Variants in DNAAF9 observed in about 807,000 individuals in gnomAD.
The protein encoded by DNAAF9 is dynein axonemal assembly factor 9.
DNAAF9 carries 90 observed loss-of-function variants against 167.0 expected under a neutral mutation model. The observed-to-expected ratio is 0.54, with a 90% CI of 0.45 to 0.64. The LOEUF (loss-of-function observed/expected upper bound fraction) is 0.64. Among genes scored for constraint, DNAAF9 ranks in the 30% least tolerant of loss-of-function variants. The pLI is 0.00. For synonymous variants in DNAAF9, 491 were observed against 508.8 expected (o/e 0.96, Z 0.47); for missense variants, 1,315 against 1,442.2 (o/e 0.91, Z 1.43).
chr20:3,349,990 C>G (rs1169609753), intron 7 of DNAAF9, among the ~76,000 whole-genome samples: 1 of 152,158 alleles, frequency 6.6e-6, no homozygotes. Flanking sequence ...CCCTCCTCCT[C>G]TCAAGGATAC....
chr20:3,380,232 G>GA (rs1568639426), intron 3 of DNAAF9, among the ~76,000 whole-genome samples: 1 of 151,976 alleles, frequency 6.6e-6, no homozygotes, highest in Admixed American at 6.6e-5. Flanking sequence ...ATAGCGTAAG[G>GA]AAAAAAATAT....
At chr20:3,256,279 G>T in intron 33 of DNAAF9, 68 bp from the exon 34 acceptor site, 1 of 1,089,622 alleles carries the variant, frequency 9.2e-7, no homozygotes, top group Non-Finnish European at 1.4e-6. Context: ...CTAAGACTGT[G>T]ACAATGCAGA....
chr20:3,327,329 C>A (rs1454538862), intron 12 of DNAAF9, among the ~76,000 whole-genome samples: 1 of 152,102 alleles, frequency 6.6e-6, no homozygotes, highest in Admixed American at 6.6e-5. Flanking sequence ...TTGTGATAAT[C>A]AAAAATTTCT....
At position 3,297,044 on chromosome 20, in the gene DNAAF9, T is replaced by A. The variant is rs2069093374; in HGVS notation, c.1930-95A>T. The A allele has an allele frequency of 5.5e-6, 4 of 730,670 alleles. No individual in the cohort carries two copies. In the African/African-American group the frequency reaches 7.0e-5, roughly 13 times the overall value. The allele number at this position is 730,670 out of a possible 1,614,324, so 45.3% of individuals were successfully genotyped here. A position where few individuals can be genotyped will look rare whatever the true frequency, so the allele number is the denominator to read the frequency against. On this transcript the variant is annotated intron_variant, in intron 22 of 36. Transcript: ENST00000252032. Reference sequence around the variant, plus strand: ...TTTGATGGTTGTTGAAAATCTAGACTGTCACTGCAGAGAAAATGACTATAA... The same window carrying A: ...TTTGATGGTTGTTGAAAATCTAGACAGTCACTGCAGAGAAAATGACTATAA...
intron 1 of DNAAF9, among the ~76,000 whole-genome samples, chr20:3,391,578 C>CTTT (rs34396355): frequency 1.6e-3 from 195 of 120,912 alleles, no homozygotes; most frequent in African/African-American, 2.7e-3. Context: ...TTTTTTCCTT[C>CTTT]TTTTTTTTTT....
chr20:3,279,230 T>TG (rs2068726375), intron 28 of DNAAF9, among the ~76,000 whole-genome samples: 1 of 152,174 alleles, frequency 6.6e-6, no homozygotes, highest in Admixed American at 6.6e-5. Flanking sequence ...CTATGGGAGA[T>TG]GGAGAAAGAG....
intron 34 of DNAAF9, among the ~76,000 whole-genome samples, chr20:3,255,744 A>G (rs1312424134): frequency 6.6e-6 from 1 of 152,172 alleles, no homozygotes; most frequent in Non-Finnish European, 1.5e-5. Flanking sequence ...CTAAACCCCC[A>G]AGGCTGTGCT....
Position 3,362,252 on chromosome 20 carries a change from G to A in DNAAF9, c.613-2659C>T. The A allele has an allele frequency of 2.9e-6, 4 of 1,358,782 alleles. No individual in the cohort carries two copies. In the South Asian group the frequency reaches 4.7e-5, roughly 16 times the overall value. The allele number at this position is 1,358,782 out of a possible 1,614,324, so 84.2% of individuals were successfully genotyped here. ...ACTGTGTCATCTCCTACTCCTTTCT[G>A]GCTTTCTTCGAGTTCTTCCAACAGT... On this transcript the variant is annotated intron_variant, in intron 6 of 36. Transcript: ENST00000252032.
intron 11 of DNAAF9, among the ~76,000 whole-genome samples, chr20:3,331,226 A>G (rs942776471): frequency 6.6e-6 from 1 of 152,102 alleles, no homozygotes; most frequent in Non-Finnish European, 1.5e-5. Flanking sequence ...AATACCAGAG[A>G]TGTGTGGAAT....
At chr20:3,342,257 C>T (rs989051627) in intron 9 of DNAAF9, among the ~76,000 whole-genome samples, 12 of 152,134 alleles carry the variant, frequency 7.9e-5, no homozygotes, top group African/African-American at 2.7e-4. Flanking sequence ...CTCCTACTCC[C>T]ATTTATCTCT....
intron 17 of DNAAF9, among the ~76,000 whole-genome samples, chr20:3,317,606 C>T (rs1231532470): frequency 6.6e-6 from 1 of 151,316 alleles, no homozygotes; most frequent in East Asian, 1.9e-4. Context: ...TTTCAAATTG[C>T]TTTTTTTTGA....
chr20:3,337,414 C>T (rs1187185765), intron 10 of DNAAF9, among the ~76,000 whole-genome samples: 3 of 150,768 alleles, frequency 2.0e-5, no homozygotes, highest in Non-Finnish European at 2.9e-5. Flanking sequence ...CAGGCATGTG[C>T]CACCACGCCC....
At chr20:3,263,617 C>G (rs891644728) in intron 31 of DNAAF9, among the ~76,000 whole-genome samples, 2 of 152,128 alleles carry the variant, frequency 1.3e-5, no homozygotes, top group Non-Finnish European at 2.9e-5. Flanking sequence ...GATAAAATAA[C>G]GGAATCCACT....
chr20:3,391,307 C>A (rs1311829663), intron 1 of DNAAF9, among the ~76,000 whole-genome samples: 1 of 151,958 alleles, frequency 6.6e-6, no homozygotes, highest in Non-Finnish European at 1.5e-5. Context: ...TAATTATTTA[C>A]CTTTTAATTA....
chr20:3,252,738 C>T (rs6107265), intron 36 of DNAAF9, 54 bp from the exon 37 acceptor site: 1 of 1,112,132 alleles, frequency 9.0e-7, no homozygotes, highest in Non-Finnish European at 1.4e-6. Context: ...GGGAGGCTGC[C>T]TGAGCCCAGA....
At chr20:3,389,052 T>A (rs2083789152) in intron 1 of DNAAF9, among the ~76,000 whole-genome samples, 1 of 152,204 alleles carries the variant, frequency 6.6e-6, no homozygotes, top group South Asian at 2.1e-4. Flanking sequence ...CACTGCAGCC[T>A]CTGCCTCCTG....
At chr20:3,260,834 G>T (rs965988754) in intron 31 of DNAAF9, among the ~76,000 whole-genome samples, 1 of 152,214 alleles carries the variant, frequency 6.6e-6, no homozygotes, top group Non-Finnish European at 1.5e-5. Context: ...GTTTTGCCAT[G>T]TTGGCCAGGC....
At chr20:3,300,645 C>T (rs1374875194) in intron 21 of DNAAF9, among the ~76,000 whole-genome samples, 1 of 148,994 alleles carries the variant, frequency 6.7e-6, no homozygotes, top group Non-Finnish European at 1.5e-5. Flanking sequence ...GCTGGGTGCA[C>T]TCCAGCCTGG....
intron 16 of DNAAF9, among the ~76,000 whole-genome samples, chr20:3,320,709 A>C (rs2069599152): frequency 6.6e-6 from 1 of 152,236 alleles, no homozygotes; most frequent in Non-Finnish European, 1.5e-5. Flanking sequence ...ACCTTAAAAA[A>C]ATTACCCTTG....
Sources: allele counts gnomAD v4.1 joint callset (sites outside exome capture counted in the v4.1 genomes callset), GRCh38; gene constraint gnomAD v4.1.1; transcripts MANE v1.5; gene names NCBI Gene and HGNC (gene_info 2026-07-23, HGNC 2026-07-21).